Variants in SCHIP1 observed in about 807,000 individuals in gnomAD.
The protein encoded by SCHIP1 is schwannomin-interacting protein 1.
A neutral mutation model predicts 29.7 loss-of-function variants in SCHIP1; 8 were observed. That is an observed-to-expected ratio of 0.27 (90% CI 0.16 to 0.49). The LOEUF is 0.49. SCHIP1 is among the 20% of genes least tolerant of loss of function. SCHIP1 has a pLI of 0.99. For synonymous variants in SCHIP1, 76 were observed against 94.9 expected (o/e 0.80, Z 1.16); for missense variants, 193 against 294.6 (o/e 0.66, Z 2.52).
the SCHIP1 span, among the ~76,000 whole-genome samples, chr3:159,554,805 C>T: frequency 1.1e-4 from 17 of 151,834 alleles, no homozygotes; most frequent in Non-Finnish European, 2.2e-4. Context: ...CTTTTAGTTC[C>T]TCTAACACCT....
chr3:159,823,940 G>T, the SCHIP1 span, among the ~76,000 whole-genome samples: 1 of 152,170 alleles, frequency 6.6e-6, no homozygotes, highest in Admixed American at 6.5e-5. Flanking sequence ...ATGACCACGG[G>T]ACAGTCAGGT....
the SCHIP1 span, among the ~76,000 whole-genome samples, chr3:159,447,921 G>A: frequency 5.4e-4 from 82 of 152,150 alleles, no homozygotes; most frequent in African/African-American, 1.0e-3. Flanking sequence ...AAGGTTACCC[G>A]TCCCTTAAGG....
At chr3:159,511,335 G>A in the SCHIP1 span, among the ~76,000 whole-genome samples, 4 of 152,298 alleles carry the variant, frequency 2.6e-5, no homozygotes, top group Admixed American at 2.6e-4. Flanking sequence ...TATTAGGGTG[G>A]GAGTGACCGG....
At chr3:159,730,521 G>A in the SCHIP1 span, among the ~76,000 whole-genome samples, 1 of 152,136 alleles carries the variant, frequency 6.6e-6, no homozygotes, top group African/African-American at 2.4e-5. Flanking sequence ...GGCTGTTATA[G>A]ATAGTAATGC....
the SCHIP1 span, among the ~76,000 whole-genome samples, chr3:159,780,746 G>A: frequency 6.6e-6 from 1 of 152,194 alleles, no homozygotes; most frequent in Non-Finnish European, 1.5e-5. Context: ...GGATGACAGG[G>A]CAGAACCTAG....
the SCHIP1 span, among the ~76,000 whole-genome samples, chr3:159,605,095 G>T: frequency 6.6e-6 from 1 of 152,222 alleles, no homozygotes. Context: ...AAAATGACAA[G>T]TAGGAAAGCC....
At chr3:159,418,159 C>A in the SCHIP1 span, among the ~76,000 whole-genome samples, 1 of 152,156 alleles carries the variant, frequency 6.6e-6, no homozygotes, top group African/African-American at 2.4e-5. Context: ...ACAAAAAGAC[C>A]TACCTTTTTG....
chr3:159,865,339 T>G (rs976565435), intron 1 of SCHIP1, among the ~76,000 whole-genome samples: 7 of 152,224 alleles, frequency 4.6e-5, no homozygotes, highest in Non-Finnish European at 1.0e-4. Flanking sequence ...CCCTGTTGTT[T>G]AAAGGGTTTA....
chr3:159,602,729 C>G, the SCHIP1 span, among the ~76,000 whole-genome samples: 24,923 of 148,786 alleles, frequency 0.17, 5,609 homozygotes, highest in African/African-American at 0.52. Flanking sequence ...AAGAAAGAAA[C>G]AAACAAACAA....
chr3:159,811,964 T>G, the SCHIP1 span, among the ~76,000 whole-genome samples: 1 of 129,754 alleles, frequency 7.7e-6, no homozygotes, highest in Admixed American at 7.4e-5. Context: ...TTGTAGTTTT[T>G]TTTGTTTTTG....
At chr3:159,378,807 G>A in the SCHIP1 span, among the ~76,000 whole-genome samples, 2 of 152,186 alleles carry the variant, frequency 1.3e-5, no homozygotes, top group Admixed American at 6.5e-5. Context: ...AAGTCACTGT[G>A]GCAATTAATA....
chr3:159,862,820 CTT>C (rs113526431), intron 1 of SCHIP1, among the ~76,000 whole-genome samples: 1 of 150,052 alleles, frequency 6.7e-6, no homozygotes, highest in Non-Finnish European at 1.5e-5. Context: ...TTTTAAAAAA[CTT>C]TTTTTTTTAA....
At chr3:159,432,187 G>T in the SCHIP1 span, among the ~76,000 whole-genome samples, 1 of 152,066 alleles carries the variant, frequency 6.6e-6, no homozygotes, top group African/African-American at 2.4e-5. Context: ...AGTTACTGCT[G>T]GTTGTTGGCG....
At chr3:159,593,112 T>G in the SCHIP1 span, among the ~76,000 whole-genome samples, 1 of 152,150 alleles carries the variant, frequency 6.6e-6, no homozygotes, top group Non-Finnish European at 1.5e-5. Flanking sequence ...ACACAATTGT[T>G]GTGATAATTT....
At chr3:159,405,276 G>C in the SCHIP1 span, among the ~76,000 whole-genome samples, 1 of 152,112 alleles carries the variant, frequency 6.6e-6, no homozygotes, top group Non-Finnish European at 1.5e-5. Context: ...CAGGGAAACA[G>C]GACCTCACCA....
At chr3:159,392,476 A>T in the SCHIP1 span, among the ~76,000 whole-genome samples, 70 of 112,924 alleles carry the variant, frequency 6.2e-4, no homozygotes, top group African/African-American at 2.4e-3. Flanking sequence ...CCCACCCCAC[A>T]ACAGGCCCCA....
chr3:159,394,526 G>A, the SCHIP1 span, among the ~76,000 whole-genome samples: 3 of 152,094 alleles, frequency 2.0e-5, no homozygotes, highest in East Asian at 5.8e-4. Flanking sequence ...TAGCATGAAG[G>A]GTTGTTGAAT....
the SCHIP1 span, among the ~76,000 whole-genome samples, chr3:159,371,762 A>G: frequency 1.4e-4 from 22 of 152,328 alleles, no homozygotes; most frequent in Non-Finnish European, 2.5e-4. Context: ...GATTATTTAT[A>G]ATACCTAGTA....
At chr3:159,728,161 C>T in the SCHIP1 span, among the ~76,000 whole-genome samples, 2 of 152,028 alleles carry the variant, frequency 1.3e-5, no homozygotes, top group East Asian at 3.9e-4. Flanking sequence ...AGACCATATG[C>T]CAGTGGGTGG....
Sources: allele counts gnomAD v4.1 joint callset (sites outside exome capture counted in the v4.1 genomes callset), GRCh38; gene constraint gnomAD v4.1.1; transcripts MANE v1.5; gene names NCBI Gene and HGNC (gene_info 2026-07-23, HGNC 2026-07-21).